GBF1: variants seen among roughly 807,000 people sequenced by gnomAD.
GBF1 encodes the protein Golgi-specific brefeldin A-resistance guanine nucleotide exchange factor 1.
A neutral mutation model predicts 210.5 loss-of-function variants in GBF1; 114 were observed. The observed-to-expected ratio is 0.54, with a 90% CI of 0.47 to 0.63. The LOEUF is 0.63. GBF1 is among the 30% of genes least tolerant of loss of function. The pLI is 0.00. For synonymous variants in GBF1, 850 were observed against 889.2 expected, an observed-to-expected ratio of 0.96 and a Z score of 0.78; for missense variants, 1,851 against 2,357.7, an observed-to-expected ratio of 0.79 and a Z score of 4.45.
At chr10:102,368,886 T>C (rs1262750105) in intron 23 of GBF1, 54 bp downstream of exon 23, 1 of 1,215,450 alleles carries the variant, frequency 8.2e-7, no homozygotes, top group Non-Finnish European at 1.2e-6. Context: ...ACCTCTCTTT[T>C]AGCCATGGAT....
chr10:102,353,279 C>T (rs1057285995), intron 7 of GBF1, among the ~76,000 whole-genome samples: 3 of 152,082 alleles, frequency 2.0e-5, no homozygotes, highest in African/African-American at 7.2e-5. Flanking sequence ...AGACTGCCCT[C>T]CCCCCATCTC....
intron 3 of GBF1, among the ~76,000 whole-genome samples, chr10:102,332,337 G>A (rs1589667356): frequency 1.3e-5 from 2 of 151,214 alleles, no homozygotes; most frequent in Middle Eastern, 3.5e-3. Flanking sequence ...GTGGTTGATC[G>A]TGTACACTGA....
At chr10:102,292,439 T>G (rs913861931) in intron 3 of GBF1, among the ~76,000 whole-genome samples, 1 of 152,218 alleles carries the variant, frequency 6.6e-6, no homozygotes, top group East Asian at 1.9e-4. Flanking sequence ...GTGCAATACT[T>G]CACTACAGCC....
At chr10:102,247,263 G>A (rs1024886815) in intron 1 of GBF1, among the ~76,000 whole-genome samples, 18 of 152,036 alleles carry the variant, frequency 1.2e-4, no homozygotes, top group Admixed American at 1.1e-3. Flanking sequence ...TCCTACCTTC[G>A]TCCTTATGAA....
intron 8 of GBF1, among the ~76,000 whole-genome samples, chr10:102,356,930 AG>A (rs1159456967): frequency 6.6e-6 from 1 of 152,178 alleles, no homozygotes; most frequent in African/African-American, 2.4e-5. Context: ...ATACAGCAAG[AG>A]GGGAGTGCAA....
intron 4 of GBF1, 120 bp from the exon 5 acceptor site, chr10:102,351,136 A>C (rs909738627): frequency 1.0e-5 from 6 of 599,586 alleles, no homozygotes; most frequent in Admixed American, 3.1e-5. Context: ...CAGGTAGCTC[A>C]AGGAGCCACG....
chr10:102,369,616 G>A (rs1395822058), intron 24 of GBF1, 95 bp from the exon 25 acceptor site: 1 of 1,165,266 alleles, frequency 8.6e-7, no homozygotes, highest in Non-Finnish European at 1.3e-6. Context: ...AGGGGCAGAA[G>A]ACTAGAGGAG....
At chr10:102,250,072 C>G (rs1370726363) in intron 1 of GBF1, among the ~76,000 whole-genome samples, 2 of 121,192 alleles carry the variant, frequency 1.7e-5, no homozygotes, top group Non-Finnish European at 3.4e-5. Flanking sequence ...CTACCATCTA[C>G]CTTTTCAGAA....
chr10:102,382,105 A>G lies in GBF1; in HGVS notation c.5352A>G (p.Gly1784=). 2 of 1,591,466 alleles carry G rather than the reference A, an allele frequency of 1.3e-6. No homozygotes were observed. Among genetic ancestry groups the G allele is most frequent in the East Asian group, 4.5e-5 (2 of 44,516 alleles). The change falls in exon 40 of 40, where the codon GGA becomes GGG. Residue 1784 remains glycine (G), a synonymous_variant. Coordinates refer to ENST00000369983, the MANE Select transcript of GBF1 (RefSeq NM_001377137.1). ...GAGCCGCCAGCAGCAGCTCCCCAGG[A>G]TCACCAGTGGCCTCAAGCCCCAGCA... is the stretch of plus-strand genomic sequence containing the variant. ...SPRAASSSSP[G]SPVASSPSRL...
chr10:102,286,160 G>A (rs747391830), intron 3 of GBF1, among the ~76,000 whole-genome samples: 74 of 151,196 alleles, frequency 4.9e-4, no homozygotes, highest in Admixed American at 4.0e-4. Flanking sequence ...TCTGGATTTG[G>A]CCTTGAGAGA....
chr10:102,254,368 TA>T (rs900741795), intron 1 of GBF1, among the ~76,000 whole-genome samples: 17 of 151,452 alleles, frequency 1.1e-4, no homozygotes, highest in Non-Finnish European at 1.8e-4. Context: ...ACCCTATCTC[TA>T]AAAAAAAATC....
At chr10:102,255,075 C>G (rs570767692) in intron 1 of GBF1, among the ~76,000 whole-genome samples, 1 of 152,202 alleles carries the variant, frequency 6.6e-6, no homozygotes, top group East Asian at 1.9e-4. Flanking sequence ...GAGTCTCACT[C>G]TGTTGCCCAG....
chr10:102,332,946 TAGAC>T (rs1386657843), intron 3 of GBF1, among the ~76,000 whole-genome samples: 1 of 152,202 alleles, frequency 6.6e-6, no homozygotes, highest in African/African-American at 2.4e-5. Context: ...GTGAAGAGCT[TAGAC>T]AAACAAACAG....
chr10:102,324,821 C>G (rs2056756651), intron 3 of GBF1, among the ~76,000 whole-genome samples: 1 of 152,178 alleles, frequency 6.6e-6, no homozygotes, highest in South Asian at 2.1e-4. Flanking sequence ...CTCTTGACCT[C>G]AAGTGATCTG....
At chr10:102,235,063 T>C in the GBF1 span, among the ~76,000 whole-genome samples, 1 of 151,906 alleles carries the variant, frequency 6.6e-6, no homozygotes, top group African/African-American at 2.4e-5. Context: ...CTCCCACACA[T>C]GCGCTGCCAC....
At chr10:102,304,988 AAAAAGAAAG>A (rs1453821233) in intron 3 of GBF1, among the ~76,000 whole-genome samples, 1 of 15,372 alleles carries the variant, frequency 6.5e-5, no homozygotes, top group African/African-American at 2.4e-4. Flanking sequence ...TCTCTTAAAA[AAAAAGAAAG>A]AAAGAAAGAA....
chr10:102,334,367 A>G (rs181350989), intron 3 of GBF1, among the ~76,000 whole-genome samples: 15 of 152,322 alleles, frequency 9.8e-5, no homozygotes, highest in Middle Eastern at 3.4e-3. Flanking sequence ...TGCCAGCCCA[A>G]TGCTGGCCAA....
chr10:102,329,459 A>T (rs1433977843), intron 3 of GBF1, among the ~76,000 whole-genome samples: 1 of 151,998 alleles, frequency 6.6e-6, no homozygotes, highest in Non-Finnish European at 1.5e-5. Flanking sequence ...GAGTTTTAAA[A>T]TTTTTTGTTT....
At chr10:102,353,753 C>G (rs779799922) in intron 8 of GBF1, 99 bp downstream of exon 8, 64 of 801,194 alleles carry the variant, frequency 8.0e-5, no homozygotes, top group Non-Finnish European at 1.3e-4. Context: ...ATGCTTTTGC[C>G]TAAACAGGTC....
Sources: gnomAD v4.1 joint callset for allele counts (sites outside exome capture counted in the v4.1 genomes callset) on GRCh38, gnomAD v4.1.1 for gene constraint, MANE v1.5 for transcripts, NCBI Gene and HGNC (gene_info 2026-07-23, HGNC 2026-07-21) for gene names.